Variants in SCARA5 observed in about 807,000 individuals in gnomAD.
SCARA5 encodes scavenger receptor class A member 5, also known as scavenger receptor class A, member 5 (putative).
Under a neutral mutation model 46.3 loss-of-function variants are expected in SCARA5, and 45 were observed. The observed-to-expected ratio is 0.97, with a 90% confidence interval of 0.76 to 1.24. The LOEUF is 1.24. Ranked by LOEUF, SCARA5 falls within the 50% of genes most tolerant of loss-of-function variation. The pLI, the probability that SCARA5 is intolerant of heterozygous loss-of-function variation, is 0.00. For missense variants in SCARA5, 680 were observed against 689.0 expected (o/e 0.99, Z 0.15); for synonymous variants, 333 against 306.5 (o/e 1.09, Z -0.90).
intron 3 of SCARA5, among the ~76,000 whole-genome samples, chr8:27,927,842 T>C (rs76328262): frequency 0.039 from 5,888 of 152,298 alleles, 266 homozygotes; most frequent in African/African-American, 0.11. Flanking sequence ...ATGTGCCGAG[T>C]TCAGTGCAAT....
Position 27,878,252 on chromosome 8 carries a change from G to T in SCARA5, c.1351+1317C>A, listed in dbSNP as rs183510320. ...TCTTAAATCCCAGGGGGCCCAGGCT[G>T]GGAGACCCATTATGCAGCCTGCAGG... On this transcript the variant is annotated intron_variant, in intron 8 of 8. Transcript: ENST00000354914. Among the ~76,000 whole-genome samples, 387 of 152,316 alleles carry T rather than the reference G, an allele frequency of 2.5e-3. 1 individual carries two copies. Among genetic ancestry groups the T allele is most frequent in the Non-Finnish European group, 4.1e-3 (278 of 68,030 alleles).
intron 7 of SCARA5, among the ~76,000 whole-genome samples, chr8:27,886,572 G>GGGGA (rs972743193): frequency 6.6e-6 from 1 of 152,184 alleles, no homozygotes; most frequent in Non-Finnish European, 1.5e-5. Flanking sequence ...AAGAGGTATA[G>GGGGA]GGGAGGCAGG....
At chr8:27,940,504 G>C (rs1327005702) in intron 3 of SCARA5, among the ~76,000 whole-genome samples, 1 of 152,152 alleles carries the variant, frequency 6.6e-6, no homozygotes, top group Non-Finnish European at 1.5e-5. Flanking sequence ...TAGATTATTG[G>C]TGATGAAATC....
At position 27,911,672 on chromosome 8, in the gene SCARA5, CAA is replaced by C. The variant is rs1363677944; in HGVS notation, c.917-1931_917-1930del. ...CGCCATTACACTCCAACATGGGTGA[CAA>C]GAGTGGAACTCTGTCTCCAAAAAAA... is the stretch of plus-strand genomic sequence containing the variant. On this transcript the variant is annotated intron_variant, in intron 4 of 8. Transcript: ENST00000354914. Among the ~76,000 whole-genome samples the C allele has an allele frequency of 4.0e-5, 6 of 148,290 alleles. No homozygotes were observed. The South Asian group carries it at 9.0e-4, about 22-fold the overall frequency.
At chr8:27,919,249 A>ACG (rs56238170) in intron 4 of SCARA5, among the ~76,000 whole-genome samples, 20 of 150,220 alleles carry the variant, frequency 1.3e-4, no homozygotes, top group Non-Finnish European at 2.1e-4. Context: ...ACGGAGGAGG[A>ACG]AGAGAAAGAG....
At chr8:27,936,141 T>C (rs999823132) in intron 3 of SCARA5, among the ~76,000 whole-genome samples, 38 of 152,042 alleles carry the variant, frequency 2.5e-4, no homozygotes, top group African/African-American at 8.7e-4. Context: ...CCAGAGAGAC[T>C]TTCCTTCTCT....
chr8:27,891,536 G>A (rs947191844), intron 7 of SCARA5, among the ~76,000 whole-genome samples: 2 of 152,066 alleles, frequency 1.3e-5, no homozygotes, highest in Non-Finnish European at 1.5e-5. Flanking sequence ...TCAAGATTCC[G>A]CTCCTAGGAT....
intron 4 of SCARA5, among the ~76,000 whole-genome samples, chr8:27,916,363 ATG>A (rs1364876196): frequency 2.0e-5 from 3 of 152,132 alleles, no homozygotes; most frequent in Admixed American, 6.5e-5. Context: ...ATACATGTGC[ATG>A]TGTGTGTACA....
chr8:27,972,482 G>A (rs1262591236), intron 2 of SCARA5, among the ~76,000 whole-genome samples: 1 of 152,192 alleles, frequency 6.6e-6, no homozygotes, highest in Non-Finnish European at 1.5e-5. Context: ...CTAAGTCACA[G>A]TTCAGTGACA....
intron 2 of SCARA5, among the ~76,000 whole-genome samples, chr8:27,984,705 C>T (rs540072699): frequency 2.2e-4 from 33 of 151,998 alleles, no homozygotes; most frequent in Admixed American, 9.8e-4. Flanking sequence ...TCCATTCATC[C>T]GTCCATCCAG....
intron 4 of SCARA5, among the ~76,000 whole-genome samples, chr8:27,910,542 G>A (rs1169967903): frequency 6.6e-6 from 1 of 152,174 alleles, no homozygotes; most frequent in Non-Finnish European, 1.5e-5. Flanking sequence ...AGGTGCCTGA[G>A]AGAAGAGCTC....
intron 3 of SCARA5, among the ~76,000 whole-genome samples, chr8:27,950,270 C>A (rs1217028263): frequency 6.6e-6 from 1 of 152,170 alleles, no homozygotes; most frequent in East Asian, 1.9e-4. Flanking sequence ...TTGACGCGAG[C>A]CAGACCTGGG....
chr8:27,889,216 A>T (rs1806944880), intron 7 of SCARA5, among the ~76,000 whole-genome samples: 1 of 152,232 alleles, frequency 6.6e-6, no homozygotes, highest in African/African-American at 2.4e-5. Flanking sequence ...GGGTCTGGAC[A>T]AGGAATCTTA....
intron 7 of SCARA5, among the ~76,000 whole-genome samples, chr8:27,895,076 TTA>T (rs1807042418): frequency 6.6e-6 from 1 of 152,094 alleles, no homozygotes. Context: ...TGCAGCTCCT[TTA>T]TGTTTGTTTT....
chr8:27,965,344 C>T (rs914608539), intron 3 of SCARA5, among the ~76,000 whole-genome samples: 6 of 152,226 alleles, frequency 3.9e-5, no homozygotes, highest in Non-Finnish European at 8.8e-5. Flanking sequence ...GGGCTTCACC[C>T]GAGGGCCCCT....
chr8:27,984,594 A>G (rs1310792140), intron 2 of SCARA5, among the ~76,000 whole-genome samples: 2 of 152,024 alleles, frequency 1.3e-5, no homozygotes, highest in Non-Finnish European at 2.9e-5. Context: ...CCATTCATTC[A>G]TCCATCCATT....
intron 3 of SCARA5, among the ~76,000 whole-genome samples, chr8:27,954,082 G>A (rs1375622338): frequency 6.6e-6 from 1 of 152,196 alleles, no homozygotes; most frequent in East Asian, 1.9e-4. Flanking sequence ...ATCGTTCCCA[G>A]CTCTGACTGT....
At chr8:27,891,860 C>T (rs1030483551) in intron 7 of SCARA5, among the ~76,000 whole-genome samples, 1 of 152,218 alleles carries the variant, frequency 6.6e-6, no homozygotes, top group African/African-American at 2.4e-5. Context: ...TGGACTCCTC[C>T]CTGCTGCAAT....
At chr8:27,968,411 A>G (rs1808401037) in intron 2 of SCARA5, among the ~76,000 whole-genome samples, 1 of 152,230 alleles carries the variant, frequency 6.6e-6, no homozygotes, top group Non-Finnish European at 1.5e-5. Flanking sequence ...AAAATAGAGC[A>G]CATCTTTCTA....
Sources: gnomAD v4.1 joint callset for allele counts (sites outside exome capture counted in the v4.1 genomes callset) on GRCh38, gnomAD v4.1.1 for gene constraint, MANE v1.5 for transcripts, NCBI Gene and HGNC (gene_info 2026-07-23, HGNC 2026-07-21) for gene names.